Variants in RAPGEF2 observed in about 807,000 individuals in gnomAD.
RAPGEF2 encodes the protein PDZ domain containing guanine nucleotide exchange factor (GEF) 1.
A neutral mutation model predicts 186.7 loss-of-function variants in RAPGEF2; 54 were observed. That is an observed-to-expected ratio of 0.29 (90% CI 0.23 to 0.36). RAPGEF2 has a LOEUF of 0.36. Ranked by LOEUF, RAPGEF2 falls within the 10% of genes least tolerant of loss-of-function variation. The pLI is 1.00. For synonymous variants in RAPGEF2, 712 were observed against 705.9 expected, an observed-to-expected ratio of 1.01 and a Z score of -0.14; for missense variants, 1,532 against 2,045.0, an observed-to-expected ratio of 0.75 and a Z score of 4.84.
chr4:159,198,056 T>C (rs1449739969), intron 3 of RAPGEF2, among the ~76,000 whole-genome samples: 2 of 152,170 alleles, frequency 1.3e-5, no homozygotes, highest in Non-Finnish European at 2.9e-5. Flanking sequence ...CTTACTCATA[T>C]CCAATTATTA....
chr4:159,223,213 G>A (rs369905802), intron 4 of RAPGEF2, among the ~76,000 whole-genome samples: 1 of 114,810 alleles, frequency 8.7e-6, no homozygotes, highest in African/African-American at 3.7e-5. Flanking sequence ...GTTTCTTACG[G>A]CGTTATAGGG....
chr4:159,228,441 T>C (rs1752266062), intron 4 of RAPGEF2: 3 of 152,204 alleles, frequency 2.0e-5, no homozygotes, highest in Admixed American at 2.0e-4. Flanking sequence ...AACAAACTAC[T>C]GAGGAATGAA....
intron 1 of RAPGEF2, among the ~76,000 whole-genome samples, chr4:159,175,285 C>G (rs1462853567): frequency 7.0e-6 from 1 of 143,314 alleles, no homozygotes; most frequent in Admixed American, 7.2e-5. Flanking sequence ...TATTGTAACT[C>G]TAAAATAATA....
intron 7 of RAPGEF2, among the ~76,000 whole-genome samples, chr4:159,296,816 C>A (rs139491597): frequency 6.6e-6 from 1 of 152,310 alleles, no homozygotes; most frequent in East Asian, 1.9e-4. Flanking sequence ...TGACGTATTC[C>A]TCTCTTCCAT....
At chr4:159,134,805 C>T (rs1741533679) in intron 1 of RAPGEF2, among the ~76,000 whole-genome samples, 1 of 152,142 alleles carries the variant, frequency 6.6e-6, no homozygotes, top group Non-Finnish European at 1.5e-5. Flanking sequence ...GCAGCCATCA[C>T]CAGAGTCAAC....
At chr4:159,162,710 A>G (rs1187225260) in intron 1 of RAPGEF2, among the ~76,000 whole-genome samples, 1 of 152,168 alleles carries the variant, frequency 6.6e-6, no homozygotes, top group Non-Finnish European at 1.5e-5. Context: ...TGAGTTTTCA[A>G]ATGGAATTGA....
At chr4:159,238,942 AT>A in intron 5 of RAPGEF2, 58 bp downstream of exon 5, 1 of 1,157,110 alleles carries the variant, frequency 8.6e-7, no homozygotes. Context: ...AAATAAAGGC[AT>A]TTTTATAAAC....
At position 159,331,712 on chromosome 4, in the gene RAPGEF2, C is replaced by G; in HGVS notation, c.1658C>G (p.Ser553Cys). 8 of 1,614,060 alleles carry G rather than the reference C, an allele frequency of 5.0e-6. No homozygotes were observed. The highest frequency in any genetic ancestry group is 6.8e-6 in the Non-Finnish European group (8 of 1,179,998). ...KRRLMTLTKP[S>C]REAPLPFILL... ...AGATTGATGACGTTAACAAAACCATCCCGAGAAGCTCCTTTGCCTTTTATC... is the reference window on the plus strand; with the variant it reads ...AGATTGATGACGTTAACAAAACCATGCCGAGAAGCTCCTTTGCCTTTTATC... The change falls in exon 15 of 30, where the codon TCC becomes TGC. Residue 553 changes from serine (S) to cysteine (C), a missense_variant. Coordinates refer to ENST00000691494, the MANE Select transcript of RAPGEF2 (RefSeq NM_001394067.2).
At chr4:159,160,772 T>A (rs1286630452) in intron 1 of RAPGEF2, among the ~76,000 whole-genome samples, 1 of 152,238 alleles carries the variant, frequency 6.6e-6, no homozygotes, top group Admixed American at 6.5e-5. Context: ...TCTATTCACC[T>A]ATTCCTGTAC....
intron 3 of RAPGEF2, among the ~76,000 whole-genome samples, chr4:159,198,228 TTTC>T (rs1333509304): frequency 5.0e-5 from 7 of 138,808 alleles, no homozygotes; most frequent in African/African-American, 1.6e-4. Flanking sequence ...TTTCTTTTAT[TTTC>T]TTTTCTTTCT....
At chr4:159,299,813 A>G (rs1347404053) in intron 7 of RAPGEF2, among the ~76,000 whole-genome samples, 4 of 152,072 alleles carry the variant, frequency 2.6e-5, no homozygotes, top group African/African-American at 2.4e-5. Flanking sequence ...TATATTATAG[A>G]GACTTAAATA....
chr4:159,194,900 G>A (rs1032470193), intron 3 of RAPGEF2, among the ~76,000 whole-genome samples: 36 of 152,188 alleles, frequency 2.4e-4, no homozygotes, highest in African/African-American at 8.4e-4. Flanking sequence ...TAGATAGATT[G>A]AGTGTCTGGA....
At chr4:159,123,936 A>G (rs1304978648) in intron 1 of RAPGEF2, among the ~76,000 whole-genome samples, 1 of 151,744 alleles carries the variant, frequency 6.6e-6, no homozygotes, top group Non-Finnish European at 1.5e-5. Context: ...TCTCACCGCA[A>G]ACTCTGCCTC....
intron 1 of RAPGEF2, among the ~76,000 whole-genome samples, chr4:159,137,742 A>G (rs529805798): frequency 4.3e-4 from 64 of 150,222 alleles, no homozygotes; most frequent in African/African-American, 1.5e-3. Flanking sequence ...AAAGATTTAA[A>G]CTTACTGGGA....
intron 1 of RAPGEF2, among the ~76,000 whole-genome samples, chr4:159,115,101 C>T (rs570923080): frequency 6.6e-6 from 1 of 152,256 alleles, no homozygotes; most frequent in Non-Finnish European, 1.5e-5. Context: ...GTCAGCCCCC[C>T]TCCCCAGTCC....
At chr4:159,316,524 T>G (rs1561267983) in intron 9 of RAPGEF2, among the ~76,000 whole-genome samples, 1 of 152,162 alleles carries the variant, frequency 6.6e-6, no homozygotes, top group Non-Finnish European at 1.5e-5. Flanking sequence ...TGTGTTCATG[T>G]GTTCTCATCA....
rs756661225 is a variant in RAPGEF2 at position 159,356,088 on chromosome 4, G to C, written c.4887G>C (p.Trp1629Cys). Residue 1629 changes from tryptophan (W) to cysteine (C), a missense_variant, in exon 29 of 30, where the codon TGG becomes TGC. Coordinates refer to ENST00000691494, the MANE Select transcript of RAPGEF2 (RefSeq NM_001394067.2). ...GCAGGCCTGTGAACAAACCTCAGTG[G>C]CATAAACCGAACGAGTCTGACCCGC... is the stretch of plus-strand genomic sequence containing the variant. ...TSSRPVNKPQ[W>C]HKPNESDPRL... is the part of the protein sequence containing the mutation. 6.2e-7 allele frequency: 1 copy of C among 1,614,124 alleles called. No individual in the cohort carries two copies. Among genetic ancestry groups the C allele is most frequent in the Admixed American group, 1.7e-5 (1 of 60,008 alleles).
At chr4:159,255,697 G>T (rs553289570) in intron 7 of RAPGEF2, among the ~76,000 whole-genome samples, 2 of 152,100 alleles carry the variant, frequency 1.3e-5, no homozygotes, top group East Asian at 3.9e-4. Flanking sequence ...TTTGGGTAGA[G>T]ATTTTTTTTT....
chr4:159,136,265 T>C (rs1209620194), intron 1 of RAPGEF2, among the ~76,000 whole-genome samples: 1 of 152,184 alleles, frequency 6.6e-6, no homozygotes, highest in Non-Finnish European at 1.5e-5. Flanking sequence ...AAATTAATTG[T>C]ATTAGTAGCA....
Sources: gnomAD v4.1 joint callset for allele counts (sites outside exome capture counted in the v4.1 genomes callset) on GRCh38, gnomAD v4.1.1 for gene constraint, MANE v1.5 for transcripts, NCBI Gene and HGNC (gene_info 2026-07-23, HGNC 2026-07-21) for gene names.